The following TMEM63B variants were observed in gnomAD, a reference collection of about 807,000 sequenced individuals.
TMEM63B encodes the protein transmembrane protein 63B.
A neutral mutation model predicts 102.6 loss-of-function variants in TMEM63B; 23 were observed. The ratio of observed to expected loss-of-function variants is 0.22; its 90% CI spans 0.16 to 0.32. The LOEUF (loss-of-function observed/expected upper bound fraction) is 0.32, where lower values mean the gene tolerates loss of function less well. TMEM63B is among the 10% of genes least tolerant of loss of function. TMEM63B has a pLI of 1.00. For synonymous variants in TMEM63B, 444 were observed against 437.0 expected, an observed-to-expected ratio of 1.02 and a Z score of -0.20; for missense variants, 628 against 1,095.9, an observed-to-expected ratio of 0.57 and a Z score of 6.03.
intron 4 of TMEM63B, among the ~76,000 whole-genome samples, chr6:44,136,115 T>C (rs558658438): frequency 6.6e-6 from 1 of 152,210 alleles, no homozygotes; most frequent in Admixed American, 6.5e-5. Context: ...CTCCCTCAAG[T>C]CCCCACTGCC....
At position 44,139,509 on chromosome 6, in the gene TMEM63B, C is replaced by T. The variant is rs771116222; in HGVS notation, c.450C>T (p.His150=). Residue 150 remains histidine, a synonymous_variant, in exon 7 of 24, where the codon CAC becomes CAT. Coordinates refer to ENST00000323267, the MANE Select transcript of TMEM63B (RefSeq NM_018426.3). ...ACAAATGTGGGGGCGATGCCGTGCACTACCTGTCCTTTCAGCGGCACATCA... is the reference window on the plus strand; with the variant it reads ...ACAAATGTGGGGGCGATGCCGTGCATTACCTGTCCTTTCAGCGGCACATCA... The part of the protein sequence containing the change: ...IRDKCGGDAV[H]YLSFQRHIIG... 1.2e-6 allele frequency: 2 copies of T among 1,614,244 alleles called. No individual in the cohort carries two copies. Among genetic ancestry groups the T allele is most frequent in the Admixed American group, 3.3e-5 (2 of 60,032 alleles).
intron 10 of TMEM63B, 105 bp from the exon 11 acceptor site, chr6:44,146,742 C>T (rs892115802): frequency 3.4e-6 from 4 of 1,179,544 alleles, no homozygotes; most frequent in Non-Finnish European, 5.1e-6. Flanking sequence ...TGAGCCACCA[C>T]GTCCAGCCAG....
intron 1 of TMEM63B, among the ~76,000 whole-genome samples, chr6:44,128,638 C>T (rs964437919): frequency 2.4e-4 from 37 of 152,260 alleles, no homozygotes; most frequent in African/African-American, 8.2e-4. Context: ...AGCACTCCAC[C>T]GCCCTGGGGG....
chr6:44,138,943 C>T lies in TMEM63B; in HGVS notation c.407+426C>T, dbSNP rs149363133. 1,318 of 254,162 alleles carry T rather than the reference C, an allele frequency of 5.2e-3. 42 individuals carry two copies. The East Asian group carries it at 0.082, about 16-fold the overall frequency. 15.7% of individuals were successfully genotyped at this position (254,162 alleles called of 1,614,324 possible). A position where few individuals can be genotyped will look rare whatever the true frequency, so the allele number is the denominator to read the frequency against. On this transcript the variant is annotated intron_variant, in intron 6 of 23. Coordinates refer to ENST00000323267, the MANE Select transcript of TMEM63B (RefSeq NM_018426.3). ...GGAAGCCAGGACAGGTCAGCACTGC[C>T]GCCACCACTCCCCCAGGCCTCCCCC...
intron 10 of TMEM63B, among the ~76,000 whole-genome samples, chr6:44,143,278 G>C (rs975942882): frequency 1.3e-5 from 2 of 152,212 alleles, no homozygotes; most frequent in Admixed American, 6.5e-5. Flanking sequence ...CTATGTGCCA[G>C]GCACAAATAA....
intron 10 of TMEM63B, among the ~76,000 whole-genome samples, chr6:44,145,101 C>A (rs964139310): frequency 6.6e-6 from 1 of 151,350 alleles, no homozygotes; most frequent in Non-Finnish European, 1.5e-5. Flanking sequence ...ATGGTGAAAC[C>A]CCATCTCTAC....
intron 5 of TMEM63B, among the ~76,000 whole-genome samples, chr6:44,136,992 C>T (rs1262554496): frequency 6.6e-6 from 1 of 152,260 alleles, no homozygotes; most frequent in African/African-American, 2.4e-5. Context: ...TTGCAGTGAG[C>T]TGAGATGGCG....
At chr6:44,151,620 C>T (rs1195577671) in intron 18 of TMEM63B, among the ~76,000 whole-genome samples, 1 of 152,134 alleles carries the variant, frequency 6.6e-6, no homozygotes, top group African/African-American at 2.4e-5. Context: ...GTCTTGAGCA[C>T]TCTCTCCATG....
At chr6:44,132,277 G>A (rs1397721165) in intron 1 of TMEM63B, 1 of 985,342 alleles carries the variant, frequency 1.0e-6, no homozygotes, top group Non-Finnish European at 1.2e-6. Flanking sequence ...GAGGCGGACA[G>A]CAGAGGAGCA....
chr6:44,142,031 AG>A (rs1162539273), intron 10 of TMEM63B, among the ~76,000 whole-genome samples: 2 of 151,950 alleles, frequency 1.3e-5, no homozygotes, highest in African/African-American at 2.4e-5. Flanking sequence ...CTGAGGTGGG[AG>A]GATCGCTTGA....
intron 9 of TMEM63B, chr6:44,140,563 C>T: frequency 6.0e-6 from 4 of 671,720 alleles, no homozygotes; most frequent in Non-Finnish European, 1.1e-5. Context: ...ACAGTACCTC[C>T]CCCAAGGTTG....
intron 10 of TMEM63B, among the ~76,000 whole-genome samples, chr6:44,142,203 G>A (rs1764409639): frequency 6.6e-6 from 1 of 151,372 alleles, no homozygotes; most frequent in Admixed American, 6.6e-5. Context: ...GGCCCAAGAT[G>A]GGAGAATTAC....
At chr6:44,147,898 T>C (rs1765754228) in intron 12 of TMEM63B, among the ~76,000 whole-genome samples, 1 of 152,086 alleles carries the variant, frequency 6.6e-6, no homozygotes, top group South Asian at 2.1e-4. Flanking sequence ...CTGAAGCAGG[T>C]GGATCACTTG....
intron 1 of TMEM63B, 72 bp from the exon 2 acceptor site, chr6:44,134,489 C>T (rs1189180497): frequency 1.2e-5 from 18 of 1,494,624 alleles, no homozygotes; most frequent in Non-Finnish European, 1.6e-5. Flanking sequence ...ACTGCCCCCT[C>T]CCCACGCCCA....
intron 5 of TMEM63B, among the ~76,000 whole-genome samples, chr6:44,137,923 C>T (rs951332120): frequency 1.3e-5 from 2 of 152,136 alleles, no homozygotes; most frequent in African/African-American, 4.8e-5. Flanking sequence ...TGATCTCGAA[C>T]TCCTGACCTC....
chr6:44,147,263 T>C (rs368085086), intron 11 of TMEM63B, 114 bp from the exon 12 acceptor site: 2 of 1,541,394 alleles, frequency 1.3e-6, no homozygotes, highest in African/African-American at 1.4e-5. Context: ...ATCTGAAACA[T>C]GTATCCTAAA....
In TMEM63B at chr6:44,141,653, C is replaced by T. The variant is rs145693829; in HGVS notation, c.782+555C>T. Among the ~76,000 whole-genome samples, 994 of 152,236 alleles carry T rather than the reference C, an allele frequency of 6.5e-3. 7 individuals carry two copies. The highest frequency in any genetic ancestry group is 0.023 in the African/African-American group (943 of 41,522). ...TGGTCACCCCATGGCTAGGGATGCACCTTGGGGCGCAGCTCATAGGGTGGG... is the reference window on the plus strand; with the variant it reads ...TGGTCACCCCATGGCTAGGGATGCATCTTGGGGCGCAGCTCATAGGGTGGG... On this transcript the variant is annotated intron_variant, in intron 10 of 23. Coordinates refer to ENST00000323267, the MANE Select transcript of TMEM63B (RefSeq NM_018426.3).
At chr6:44,147,321 C>T in intron 11 of TMEM63B, 56 bp from the exon 12 acceptor site, 1 of 1,613,452 alleles carries the variant, frequency 6.2e-7, no homozygotes, top group Non-Finnish European at 8.5e-7. Context: ...AGATGACCCC[C>T]AAGCTGAGCC....
chr6:44,133,400 C>G (rs1762319762), intron 1 of TMEM63B, among the ~76,000 whole-genome samples: 1 of 152,138 alleles, frequency 6.6e-6, no homozygotes, highest in African/African-American at 2.4e-5. Flanking sequence ...TTTTGTTGTT[C>G]TCTTTGGTTT....
Sources: gnomAD v4.1 joint callset for allele counts (sites outside exome capture counted in the v4.1 genomes callset) on GRCh38, gnomAD v4.1.1 for gene constraint, MANE v1.5 for transcripts, NCBI Gene and HGNC (gene_info 2026-07-23, HGNC 2026-07-21) for gene names.